The following CUL4A variants were observed in gnomAD, a reference collection of about 807,000 sequenced individuals.
CUL4A encodes the protein cullin 4A.
A neutral mutation model predicts 95.5 loss-of-function variants in CUL4A; 16 were observed. The observed-to-expected ratio is 0.17, with a 90% CI of 0.11 to 0.25. The LOEUF (loss-of-function observed/expected upper bound fraction) is 0.25, where lower values mean the gene tolerates loss of function less well. Ranked by LOEUF, CUL4A falls within the 10% of genes least tolerant of loss-of-function variation. The probability of loss-of-function intolerance (pLI) is 1.00; values close to 1 mark genes in which losing one functional copy is unlikely to be tolerated. For missense variants in CUL4A, 610 were observed against 937.0 expected (o/e 0.65, Z 4.56); for synonymous variants, 380 against 353.1 (o/e 1.08, Z -0.85).
intron 5 of CUL4A, among the ~76,000 whole-genome samples, chr13:113,230,491 T>G (rs1018278813): frequency 6.6e-6 from 1 of 152,162 alleles, no homozygotes. Flanking sequence ...CATCTCCTAG[T>G]AGGCATCCAT....
intron 2 of CUL4A, among the ~76,000 whole-genome samples, chr13:113,210,410 C>T (rs1303262915): frequency 2.0e-5 from 3 of 152,238 alleles, no homozygotes; most frequent in African/African-American, 4.8e-5. Context: ...ATATGTAAAA[C>T]TCATGACTGT....
chr13:113,213,630 C>T (rs1434281951), intron 2 of CUL4A, among the ~76,000 whole-genome samples: 1 of 152,200 alleles, frequency 6.6e-6, no homozygotes, highest in African/African-American at 2.4e-5. Flanking sequence ...GGCGGAATTA[C>T]TTTGCAACAC....
chr13:113,244,898 T>G, intron 12 of CUL4A, 51 bp from the exon 13 acceptor site: 1 of 1,202,590 alleles, frequency 8.3e-7, no homozygotes, highest in Non-Finnish European at 1.2e-6. Context: ...AGTTTAACAT[T>G]TGCTTATCAA....
intron 19 of CUL4A, among the ~76,000 whole-genome samples, chr13:113,262,175 C>A (rs563951392): frequency 3.3e-5 from 5 of 152,358 alleles, no homozygotes; most frequent in African/African-American, 9.6e-5. Context: ...GAGCCTTGCA[C>A]GTAAGTGCTC....
chr13:113,236,803 A>G lies in CUL4A; in HGVS notation c.849-20A>G. On this transcript the variant is annotated intron_variant, in intron 8 of 19. Coordinates refer to ENST00000375440, the MANE Select transcript of CUL4A (RefSeq NM_001008895.4). ...TCTTTAAACTTTACTTCTAACGCTT[A>G]TTCTTTTTACCTTATATAGGAAACC... The G allele has an allele frequency of 6.4e-7, 1 of 1,564,318 alleles. No individual in the cohort carries two copies. Among genetic ancestry groups the G allele is most frequent in the Middle Eastern group, 1.7e-4 (1 of 5,898 alleles).
intron 9 of CUL4A, among the ~76,000 whole-genome samples, chr13:113,237,304 G>A (rs148393441): frequency 1.3e-5 from 2 of 152,196 alleles, no homozygotes. Context: ...CCTCACCTGC[G>A]GACTTCGTGC....
In CUL4A at chr13:113,245,090, G is replaced by A. The variant is rs866299654; in HGVS notation, c.1444+31G>A. Reference sequence around the variant, plus strand: ...TATGTGGGGCCTGGGCTCCTCCCCTGTAACTGAGGGTTGCTGCCCCGTGTG... The same window carrying A: ...TATGTGGGGCCTGGGCTCCTCCCCTATAACTGAGGGTTGCTGCCCCGTGTG... On this transcript the variant is annotated intron_variant, in intron 13 of 19. Coordinates refer to ENST00000375440, the MANE Select transcript of CUL4A (RefSeq NM_001008895.4). The A allele has an allele frequency of 1.1e-5, 18 of 1,608,888 alleles. No individual in the cohort carries two copies. The Middle Eastern group carries it at 2.8e-3, about 251-fold the overall frequency.
chr13:113,247,419 A>C (rs2041885625), intron 15 of CUL4A, among the ~76,000 whole-genome samples: 1 of 152,180 alleles, frequency 6.6e-6, no homozygotes, highest in Non-Finnish European at 1.5e-5. Flanking sequence ...AGGGCAGGAC[A>C]CCTCTGGAAC....
intron 7 of CUL4A, 146 bp from the exon 8 acceptor site, chr13:113,234,917 C>T: frequency 1.6e-6 from 1 of 610,368 alleles, no homozygotes; most frequent in Non-Finnish European, 2.9e-6. Flanking sequence ...CTACCTCTCC[C>T]TCCCTGTTAA....
chr13:113,243,906 A>T (rs1164427897), intron 11 of CUL4A, among the ~76,000 whole-genome samples: 1 of 152,206 alleles, frequency 6.6e-6, no homozygotes, highest in East Asian at 1.9e-4. Flanking sequence ...CTCCCATCAC[A>T]TGGGGACTTT....
intron 9 of CUL4A, among the ~76,000 whole-genome samples, chr13:113,237,753 G>A (rs2041593452): frequency 6.6e-6 from 1 of 152,082 alleles, no homozygotes; most frequent in African/African-American, 2.4e-5. Context: ...GCCCTAAATG[G>A]TATTCAAATA....
At chr13:113,221,388 T>G (rs1315175404) in intron 3 of CUL4A, among the ~76,000 whole-genome samples, 1 of 152,102 alleles carries the variant, frequency 6.6e-6, no homozygotes, top group Non-Finnish European at 1.5e-5. Context: ...AGCCTTCCAT[T>G]GGGTCGGCAC....
intron 18 of CUL4A, among the ~76,000 whole-genome samples, chr13:113,259,320 G>A (rs982198712): frequency 1.3e-5 from 2 of 152,108 alleles, no homozygotes; most frequent in Middle Eastern, 3.2e-3. Flanking sequence ...TGGGGGTCAT[G>A]GATCCTGTTG....
At chr13:113,229,085 C>T (rs535205161) in intron 4 of CUL4A, among the ~76,000 whole-genome samples, 2 of 152,238 alleles carry the variant, frequency 1.3e-5, no homozygotes, top group African/African-American at 4.8e-5. Flanking sequence ...CGCCACCGCA[C>T]TCCAGCCTGG....
intron 2 of CUL4A, among the ~76,000 whole-genome samples, chr13:113,212,639 G>C (rs2040492713): frequency 1.3e-5 from 2 of 152,082 alleles, no homozygotes; most frequent in Admixed American, 1.3e-4. Flanking sequence ...CAAAAAATTA[G>C]CCGGGCGTGG....
At chr13:113,210,260 C>A (rs1171928222) in intron 2 of CUL4A, among the ~76,000 whole-genome samples, 172 bp downstream of exon 2, 1 of 152,200 alleles carries the variant, frequency 6.6e-6, no homozygotes, top group East Asian at 1.9e-4. Context: ...TTGTTTATTG[C>A]CGTGGTGGAA....
rs377610574 is a variant in CUL4A, at chr13:113,236,818, T to C, written c.849-5T>C. 3 of 1,598,270 alleles carry C rather than the reference T, an allele frequency of 1.9e-6. No individual in the cohort carries two copies. Among genetic ancestry groups the C allele is most frequent in the Non-Finnish European group, 1.7e-6 (2 of 1,167,806 alleles). ...TCTAACGCTTATTCTTTTTACCTTA[T>C]ATAGGAAACCACTGATTGCTTGTGT... On this transcript the variant is annotated splice_polypyrimidine_tract_variant and splice_region_variant and intron_variant, in intron 8 of 19. Transcript: ENST00000375440.
intron 2 of CUL4A, among the ~76,000 whole-genome samples, chr13:113,211,160 C>G (rs2040424325): frequency 6.6e-6 from 1 of 152,226 alleles, no homozygotes; most frequent in Non-Finnish European, 1.5e-5. Flanking sequence ...TTGGCGGTCC[C>G]CCATTTGCTT....
At chr13:113,234,348 C>A (rs1169507703) in intron 7 of CUL4A, among the ~76,000 whole-genome samples, 2 of 151,848 alleles carry the variant, frequency 1.3e-5, no homozygotes, top group African/African-American at 4.8e-5. Flanking sequence ...AAAAATTTTC[C>A]CAAAAAAAGC....
Sources: allele counts gnomAD v4.1 joint callset (sites outside exome capture counted in the v4.1 genomes callset), GRCh38; gene constraint gnomAD v4.1.1; transcripts MANE v1.5; gene names NCBI Gene and HGNC (gene_info 2026-07-23, HGNC 2026-07-21).